Variants in MKLN1 observed in about 807,000 individuals in gnomAD.
MKLN1 encodes the protein muskelin.
MKLN1 carries 18 observed loss-of-function variants against 99.0 expected under a neutral mutation model. The observed-to-expected ratio is 0.18, with a 90% CI of 0.13 to 0.27. The LOEUF (loss-of-function observed/expected upper bound fraction) is 0.27. Ranked by LOEUF, MKLN1 falls within the 10% of genes least tolerant of loss-of-function variation. The pLI is 1.00. For synonymous variants in MKLN1, 288 were observed against 293.2 expected, an observed-to-expected ratio of 0.98 and a Z score of 0.18; for missense variants, 621 against 875.9, an observed-to-expected ratio of 0.71 and a Z score of 3.67.
At chr7:131,479,777 A>G (rs555517081) in intron 17 of MKLN1, among the ~76,000 whole-genome samples, 1 of 152,064 alleles carries the variant, frequency 6.6e-6, no homozygotes, top group Non-Finnish European at 1.5e-5. Context: ...CAGTGAGCCG[A>G]GATTGCGCCA....
chr7:131,201,077 C>T (rs115594728), intron 2 of MKLN1, among the ~76,000 whole-genome samples: 12,212 of 152,144 alleles, frequency 0.08, 509 homozygotes, highest in Middle Eastern at 0.11. Context: ...TGATGTACAG[C>T]GGTGCCATCT....
At chr7:131,285,338 G>T (rs1319898838) in intron 3 of MKLN1, among the ~76,000 whole-genome samples, 1 of 152,228 alleles carries the variant, frequency 6.6e-6, no homozygotes, top group Non-Finnish European at 1.5e-5. Context: ...TGCCAAAGAT[G>T]AACCTCCTGG....
chr7:131,258,102 CAG>C (rs1797683024), intron 3 of MKLN1, among the ~76,000 whole-genome samples: 1 of 148,906 alleles, frequency 6.7e-6, no homozygotes. Context: ...GCCTGGGTGA[CAG>C]AGTGAGACTC....
intron 9 of MKLN1, among the ~76,000 whole-genome samples, chr7:131,436,988 A>G (rs1388216174): frequency 6.6e-6 from 1 of 152,154 alleles, no homozygotes; most frequent in African/African-American, 2.4e-5. Flanking sequence ...TAGCTTATTA[A>G]AGGTATCATC....
At chr7:131,389,157 A>C (rs1220968933) in intron 4 of MKLN1, among the ~76,000 whole-genome samples, 185 bp downstream of exon 4, 3 of 152,142 alleles carry the variant, frequency 2.0e-5, no homozygotes, top group African/African-American at 4.8e-5. Context: ...AGACTTGAGT[A>C]GTTGCAAGAG....
At chr7:131,444,766 TA>T (rs1795954991) in intron 11 of MKLN1, among the ~76,000 whole-genome samples, 1 of 26,062 alleles carries the variant, frequency 3.8e-5, no homozygotes, top group Admixed American at 3.3e-4. Context: ...GTAGAAGAAG[TA>T]GTAGTAGTAG....
At chr7:131,203,214 A>G (rs2116412975) in intron 3 of MKLN1, among the ~76,000 whole-genome samples, 1 of 152,308 alleles carries the variant, frequency 6.6e-6, no homozygotes, top group South Asian at 2.1e-4. Context: ...AGTGGGAGGT[A>G]TTTTGATTTC....
chr7:131,211,514 G>A (rs555328693), intron 3 of MKLN1, among the ~76,000 whole-genome samples: 2 of 151,972 alleles, frequency 1.3e-5, no homozygotes, highest in African/African-American at 4.8e-5. Context: ...TTCTGCTTTT[G>A]TGCTCCCTAG....
chr7:131,164,937 A>G (rs924638426), intron 2 of MKLN1, among the ~76,000 whole-genome samples: 2 of 152,258 alleles, frequency 1.3e-5, no homozygotes, highest in Non-Finnish European at 2.9e-5. Flanking sequence ...ACAACGATGA[A>G]CAAGACACGG....
intron 6 of MKLN1, among the ~76,000 whole-genome samples, chr7:131,403,958 G>A (rs1045016267): frequency 2.0e-5 from 3 of 152,186 alleles, no homozygotes; most frequent in African/African-American, 7.2e-5. Flanking sequence ...TATCTGTGAA[G>A]CGTGGTCAAG....
intron 2 of MKLN1, among the ~76,000 whole-genome samples, chr7:131,192,517 A>T (rs956246648): frequency 1.5e-4 from 20 of 133,122 alleles, no homozygotes; most frequent in African/African-American, 5.1e-4. Flanking sequence ...TATAAATATA[A>T]ATATTTACAT....
intron 2 of MKLN1, among the ~76,000 whole-genome samples, chr7:131,173,811 TCTC>T (rs1355170590): frequency 6.6e-6 from 1 of 151,818 alleles, no homozygotes; most frequent in Non-Finnish European, 1.5e-5. Context: ...AAAACAGCCT[TCTC>T]CTGTAGGAGC....
intron 1 of MKLN1, among the ~76,000 whole-genome samples, chr7:131,338,597 C>G (rs75515229): frequency 1.1e-4 from 16 of 151,916 alleles, no homozygotes; most frequent in African/African-American, 3.9e-4. Context: ...CAGACTATTC[C>G]GTCATATTCA....
chr7:131,365,297 A>C lies in MKLN1; in HGVS notation c.99-10127A>C, dbSNP rs545041105. On this transcript the variant is annotated intron_variant, in intron 1 of 17. Coordinates refer to ENST00000352689, the MANE Select transcript of MKLN1 (RefSeq NM_013255.5). ...GTTCATATCCTTTGCCTACTTTTTA[A>C]CTGGGTTTTCTCTTGTAAATTTAAG... is the stretch of plus-strand genomic sequence containing the variant. Among the ~76,000 whole-genome samples the C allele has an allele frequency of 3.5e-4, 53 of 152,138 alleles. No individual in the cohort carries two copies. The South Asian group carries it at 0.01, about 29-fold the overall frequency.
chr7:131,484,089 GCTACACTAGAT>G (rs1797204128), intron 17 of MKLN1, among the ~76,000 whole-genome samples: 1 of 151,950 alleles, frequency 6.6e-6, no homozygotes, highest in Non-Finnish European at 1.5e-5. Context: ...TTTTTATGAA[GCTACACTAGAT>G]CAGTTGTATT....
intron 2 of MKLN1, among the ~76,000 whole-genome samples, chr7:131,148,717 T>C (rs562189786): frequency 9.2e-5 from 14 of 152,214 alleles, no homozygotes; most frequent in African/African-American, 2.9e-4. Context: ...AAGGCTGCAG[T>C]GAGCCACGAT....
intron 2 of MKLN1, among the ~76,000 whole-genome samples, chr7:131,383,951 G>C (rs1371506135): frequency 6.6e-6 from 1 of 152,186 alleles, no homozygotes; most frequent in Non-Finnish European, 1.5e-5. Context: ...GTGCATATGT[G>C]TGTGTAATGT....
At chr7:131,377,513 A>G (rs899381141) in intron 2 of MKLN1, among the ~76,000 whole-genome samples, 1 of 152,040 alleles carries the variant, frequency 6.6e-6, no homozygotes, top group Non-Finnish European at 1.5e-5. Context: ...ACTTAATTTT[A>G]GTGCTCAAAT....
chr7:131,374,450 A>T (rs1371517592), intron 1 of MKLN1, among the ~76,000 whole-genome samples: 1 of 152,164 alleles, frequency 6.6e-6, no homozygotes, highest in East Asian at 1.9e-4. Flanking sequence ...ATCCAGTATC[A>T]CAGGGTTCCT....
Sources: gnomAD v4.1 joint callset for allele counts (sites outside exome capture counted in the v4.1 genomes callset) on GRCh38, gnomAD v4.1.1 for gene constraint, MANE v1.5 for transcripts, NCBI Gene and HGNC (gene_info 2026-07-23, HGNC 2026-07-21) for gene names.